The following PNPLA5 variants were observed in gnomAD, a reference collection of about 807,000 sequenced individuals.
The protein encoded by PNPLA5 is patatin like domain 5, triacylglycerol lipase, also known as patatin-like phospholipase domain-containing protein 5.
A neutral mutation model predicts 49.1 loss-of-function variants in PNPLA5; 44 were observed. That is an observed-to-expected ratio of 0.90 (90% CI 0.70 to 1.15). PNPLA5 has a LOEUF of 1.15. Ranked by LOEUF, PNPLA5 falls within the 50% of genes most tolerant of loss-of-function variation. The pLI is 0.00. For missense variants in PNPLA5, 603 were observed against 564.0 expected, an observed-to-expected ratio of 1.07 and a Z score of -0.70; for synonymous variants, 243 against 244.4, an observed-to-expected ratio of 0.99 and a Z score of 0.06.
rs777031987 is a variant in PNPLA5 at position 43,889,854 on chromosome 22, C to T, written c.437G>A (p.Cys146Tyr). 3 of 1,613,492 alleles carry T rather than the reference C, an allele frequency of 1.9e-6. No homozygotes were observed. Among genetic ancestry groups the T allele is most frequent in the Non-Finnish European group, 2.5e-6 (3 of 1,179,896 alleles). ...TCDELIQALV[C>Y]TLYFPFYCGL... ...GCAGTAGAAAGGAAAGTATAAGGTG[C>T]AGACCAAGGCCTAGGAAGAGAAGAG... The change falls in exon 3 of 9, where the codon TGC becomes TAC. Residue 146 changes from cysteine to tyrosine, a missense_variant. Coordinates refer to ENST00000216177, the MANE Select transcript of PNPLA5 (RefSeq NM_138814.4).
At chr22:43,885,432 G>A (rs542864121) in intron 6 of PNPLA5, among the ~76,000 whole-genome samples, 36 of 90,134 alleles carry the variant, frequency 4.0e-4, no homozygotes, top group African/African-American at 7.2e-4. Flanking sequence ...CACCTCACTT[G>A]CTCCTCCCAC....
intron 6 of PNPLA5, 34 bp downstream of exon 6, chr22:43,886,269 C>A: frequency 6.3e-7 from 1 of 1,592,436 alleles, no homozygotes; most frequent in Non-Finnish European, 8.6e-7. Context: ...GTGCAGGGCC[C>A]TGGTAGGTGA....
rs772685886 is a variant in PNPLA5 at position 43,887,662 on chromosome 22, A to G, written c.703-11T>C. 3 of 1,598,226 alleles carry G rather than the reference A, an allele frequency of 1.9e-6. No homozygotes were observed. The highest frequency in any genetic ancestry group is 1.7e-5 in the Admixed American group (1 of 58,410). ...GTTGTCGGCCACTACCTGCCAACAC[A>G]CAGGGCAAGGGTGAGATGGGCAAGG... On this transcript the variant is annotated splice_polypyrimidine_tract_variant and intron_variant, in intron 4 of 8. Coordinates refer to ENST00000216177, the MANE Select transcript of PNPLA5 (RefSeq NM_138814.4).
rs144763545 is a variant in PNPLA5 at position 43,891,253 on chromosome 22, C to A, written c.235G>T (p.Glu79Ter). 6.4e-7 allele frequency: 1 copy of A among 1,557,662 alleles called. No individual in the cohort carries two copies. The highest frequency in any genetic ancestry group is 1.4e-5 in the African/African-American group (1 of 73,712). Reference protein sequence around the residue: ...SHLLGMVGQLERLSLSILHPA... With the variant: ...SHLLGMVGQL ...TGCAGGATGCTTAGGCTCAGCCGCT[C>A]CAACTGCCCAACCATGCCCAGGAGG... is the stretch of plus-strand genomic sequence containing the variant. Residue 79 changes from glutamate to a stop codon, truncating the protein, a stop_gained, in exon 2 of 9, where the codon GAG becomes TAG. Transcript: ENST00000216177. LOFTEE classifies it high-confidence loss of function.
At chr22:43,890,230 A>G (rs1178730452) in intron 2 of PNPLA5, among the ~76,000 whole-genome samples, 1 of 152,212 alleles carries the variant, frequency 6.6e-6, no homozygotes, top group Non-Finnish European at 1.5e-5. Context: ...GACTGTTATC[A>G]GTCTGTGGGA....
At chr22:43,883,131 C>T (rs2049627012) in intron 7 of PNPLA5, among the ~76,000 whole-genome samples, 1 of 152,212 alleles carries the variant, frequency 6.6e-6, no homozygotes, top group Non-Finnish European at 1.5e-5. Context: ...TTCTCCTTGT[C>T]CTCTTTGCCT....
intron 4 of PNPLA5, among the ~76,000 whole-genome samples, chr22:43,887,938 TCC>T (rs966253532): frequency 2.0e-5 from 3 of 152,094 alleles, no homozygotes; most frequent in African/African-American, 7.2e-5. Flanking sequence ...CCCCAGCCCC[TCC>T]CCTCTCTTGC....
At chr22:43,885,992 G>T (rs1034767962) in intron 6 of PNPLA5, among the ~76,000 whole-genome samples, 2 of 152,190 alleles carry the variant, frequency 1.3e-5, no homozygotes, top group Admixed American at 1.3e-4. Context: ...CCTGGCTTTC[G>T]CAGGCACAGG....
intron 5 of PNPLA5, among the ~76,000 whole-genome samples, chr22:43,887,184 T>C (rs746845992): frequency 1.1e-4 from 16 of 152,188 alleles, no homozygotes; most frequent in Non-Finnish European, 1.8e-4. Context: ...CCCTCTTCTT[T>C]TGCTGGAATC....
At chr22:43,889,976 C>A in intron 2 of PNPLA5, 112 bp from the exon 3 acceptor site, 12 of 1,495,708 alleles carry the variant, frequency 8.0e-6, no homozygotes, top group Non-Finnish European at 1.1e-5. Context: ...TCATCAGTCC[C>A]ACGTCCAGAT....
Position 43,891,169 on chromosome 22 carries a change from C to T in PNPLA5, c.319G>A (p.Asp107Asn), listed in dbSNP as rs989682992. ...CGCTGGGAGGCCAGGACGTGGGCGTCGGGGGGCAGAGCATCCTGCAGCTGC... is the reference window on the plus strand; with the variant it reads ...CGCTGGGAGGCCAGGACGTGGGCGTTGGGGGGCAGAGCATCCTGCAGCTGC... ...KQQLQDALPP[D>N]AHVLASQRLG... Residue 107 changes from aspartate to asparagine, a missense_variant, in exon 2 of 9, where the codon GAC becomes AAC. Asp to Asn is a conservative substitution (Grantham distance 23). Coordinates refer to ENST00000216177, the MANE Select transcript of PNPLA5 (RefSeq NM_138814.4). The T allele has an allele frequency of 1.3e-5, 21 of 1,598,504 alleles. No individual in the cohort carries two copies. The Admixed American group carries it at 1.4e-4, about 10-fold the overall frequency.
chr22:43,887,544 G>T, intron 5 of PNPLA5, 47 bp downstream of exon 5: 2 of 1,590,714 alleles, frequency 1.3e-6, no homozygotes, highest in Non-Finnish European at 1.7e-6. Context: ...GGTCTACCTG[G>T]CACCATGTGG....
At chr22:43,885,572 C>T (rs1603412552) in intron 6 of PNPLA5, among the ~76,000 whole-genome samples, 1 of 152,084 alleles carries the variant, frequency 6.6e-6, no homozygotes, top group Non-Finnish European at 1.5e-5. Flanking sequence ...CGTGCCATGC[C>T]CTCTCCCCGA....
Position 43,884,238 on chromosome 22 carries a change from C to G in PNPLA5, c.1057G>C (p.Glu353Gln), listed in dbSNP as rs773972892. The G allele has an allele frequency of 4.4e-6, 7 of 1,576,922 alleles. No homozygotes were observed. The highest frequency in any genetic ancestry group is 4.3e-6 in the Non-Finnish European group (5 of 1,160,776). Reference sequence around the variant, plus strand: ...CTTCTGCTGCGGAAGTAGATGTACTCGAAGGGCAGTGTGCAGGGTAGCAGC... The same window carrying G: ...CTTCTGCTGCGGAAGTAGATGTACTGGAAGGGCAGTGTGCAGGGTAGCAGC... ...YLLLPCTLPF[E>Q]YIYFRSRRLV... The change falls in exon 7 of 9, where the codon GAG becomes CAG. Residue 353 changes from glutamate to glutamine, a missense_variant. Transcript: ENST00000216177.
rs771446362 is a variant in PNPLA5, at chr22:43,891,139, C to T, written c.349G>A (p.Gly117Ser). ...TCAGGCCAGCGGGTCAGCGAAATGCCCAGCCGCTGGGAGGCCAGGACGTGG... is the reference window on the plus strand; with the variant it reads ...TCAGGCCAGCGGGTCAGCGAAATGCTCAGCCGCTGGGAGGCCAGGACGTGG... ...DAHVLASQRL[G>S]ISLTRWPDGR... The change falls in exon 2 of 9, where the codon GGC (glycine) becomes AGC (serine). Residue 117 changes from glycine (G) to serine (S), a missense_variant. Transcript: ENST00000216177. The T allele has an allele frequency of 3.7e-5, 59 of 1,605,750 alleles. No individual in the cohort carries two copies. The highest frequency in any genetic ancestry group is 1.7e-4 in the Middle Eastern group (1 of 6,058).
chr22:43,882,568 AC>A (rs1367686866), intron 7 of PNPLA5, among the ~76,000 whole-genome samples: 1 of 152,272 alleles, frequency 6.6e-6, no homozygotes, highest in Non-Finnish European at 1.5e-5. Flanking sequence ...TATGTGTTGA[AC>A]ATATGTATTG....
In PNPLA5 at chr22:43,891,352, C is replaced by T. The variant is rs2049721702; in HGVS notation, c.194-58G>A. On this transcript the variant is annotated intron_variant, in intron 1 of 8. Coordinates refer to ENST00000216177, the MANE Select transcript of PNPLA5 (RefSeq NM_138814.4). ...CGCCCAGGGATCCTGCCAGTCCCTC[C>T]ACACCCCCACTGCCCTCCTAGGTGC... 4.0e-6 allele frequency: 6 copies of T among 1,496,232 alleles called. No individual in the cohort carries two copies. The South Asian group carries it at 8.0e-5, about 20-fold the overall frequency. 92.7% of individuals were successfully genotyped at this position (1,496,232 alleles called of 1,614,324 possible).
intron 4 of PNPLA5, 68 bp downstream of exon 4, chr22:43,889,261 A>G: frequency 6.4e-7 from 1 of 1,564,734 alleles, no homozygotes; most frequent in Non-Finnish European, 8.7e-7. Flanking sequence ...TTAGGAGCAC[A>G]CAGAGTCTGA....
chr22:43,886,723 A>T, intron 5 of PNPLA5: 1 of 572,632 alleles, frequency 1.7e-6, no homozygotes, highest in South Asian at 7.7e-5. Flanking sequence ...CACAATCCAG[A>T]GTTCGAATTC....
Sources: gnomAD v4.1 joint callset for allele counts (sites outside exome capture counted in the v4.1 genomes callset) on GRCh38, gnomAD v4.1.1 for gene constraint, MANE v1.5 for transcripts, NCBI Gene and HGNC (gene_info 2026-07-23, HGNC 2026-07-21) for gene names.